The following KCNH8 variants were observed in gnomAD, a reference collection of about 807,000 sequenced individuals.
The protein encoded by KCNH8 is potassium voltage-gated channel subfamily H member 8.
KCNH8 carries 70 observed loss-of-function variants against 103.6 expected under a neutral mutation model. The observed-to-expected ratio is 0.68, with a 90% CI of 0.56 to 0.82. The LOEUF (loss-of-function observed/expected upper bound fraction) is 0.82, where lower values mean the gene tolerates loss of function less well. Ranked by LOEUF, KCNH8 falls within the 40% of genes least tolerant of loss-of-function variation. The pLI, the probability that KCNH8 is intolerant of heterozygous loss-of-function variation, is 0.00. For synonymous variants in KCNH8, 498 were observed against 489.4 expected (o/e 1.02, Z -0.23); for missense variants, 1,217 against 1,329.9 (o/e 0.92, Z 1.32).
intron 11 of KCNH8, among the ~76,000 whole-genome samples, chr3:19,461,737 T>A (rs2125193072): frequency 6.6e-6 from 1 of 152,360 alleles, no homozygotes; most frequent in Middle Eastern, 3.4e-3. Context: ...TACATAGGTA[T>A]ACATGTGCCA....
chr3:19,461,738 A>G (rs990569541), intron 11 of KCNH8, among the ~76,000 whole-genome samples: 3 of 152,172 alleles, frequency 2.0e-5, no homozygotes, highest in Admixed American at 1.3e-4. Flanking sequence ...ACATAGGTAT[A>G]CATGTGCCAT....
intron 3 of KCNH8, chr3:19,314,867 G>A (rs1032433913): frequency 6.5e-6 from 1 of 154,122 alleles, no homozygotes. Context: ...GACATTGACT[G>A]CACATAATCC....
At chr3:19,345,728 T>C (rs981008485) in intron 4 of KCNH8, among the ~76,000 whole-genome samples, 1 of 152,048 alleles carries the variant, frequency 6.6e-6, no homozygotes, top group Non-Finnish European at 1.5e-5. Flanking sequence ...TTTTTTTCAC[T>C]CAGGTGATTA....
rs1559476487 is a variant in KCNH8 at position 19,323,457 on chromosome 3, AT to A, written c.443-19129del. On this transcript the variant is annotated intron_variant, in intron 3 of 15. Coordinates refer to ENST00000328405, the MANE Select transcript of KCNH8 (RefSeq NM_144633.3). The stretch of plus-strand genomic sequence containing the variant: ...GAGCAAGACTGTGTCTCAAAAAAAA[AT>A]AATAATAATAAAATAAAATAATTGT... 2.6e-5 allele frequency among the ~76,000 whole-genome samples: 4 copies of A among 151,934 alleles called. No individual in the cohort carries two copies. In the South Asian group the frequency reaches 6.2e-4, roughly 24 times the overall value.
intron 1 of KCNH8, among the ~76,000 whole-genome samples, chr3:19,242,772 C>T (rs1368815680): frequency 6.6e-6 from 1 of 151,958 alleles, no homozygotes; most frequent in African/African-American, 2.4e-5. Context: ...TTCAGTAGAC[C>T]TGAGGTAAGG....
At chr3:19,350,975 TA>T (rs2065793580) in intron 5 of KCNH8, among the ~76,000 whole-genome samples, 1 of 152,012 alleles carries the variant, frequency 6.6e-6, no homozygotes, top group Non-Finnish European at 1.5e-5. Context: ...ACAAAGAAGC[TA>T]AAAACCTTGA....
chr3:19,498,101 T>C (rs555644180), intron 11 of KCNH8, among the ~76,000 whole-genome samples: 4 of 152,234 alleles, frequency 2.6e-5, no homozygotes, highest in African/African-American at 9.6e-5. Flanking sequence ...TAGATTTTTC[T>C]TTATCCCTCT....
At chr3:19,369,200 A>G (rs1447350307) in intron 5 of KCNH8, among the ~76,000 whole-genome samples, 1 of 152,038 alleles carries the variant, frequency 6.6e-6, no homozygotes, top group Non-Finnish European at 1.5e-5. Flanking sequence ...TAACAAGGAT[A>G]CAGAAGAGTG....
At chr3:19,482,091 C>T (rs755355393) in intron 11 of KCNH8, among the ~76,000 whole-genome samples, 8 of 152,064 alleles carry the variant, frequency 5.3e-5, no homozygotes, top group African/African-American at 1.4e-4. Context: ...GGGTCGTGAT[C>T]GATTGAGCAA....
In KCNH8 at chr3:19,163,967, T is replaced by G. The variant is rs145761132; in HGVS notation, c.76+15172T>G. Among the ~76,000 whole-genome samples the G allele has an allele frequency of 3.2e-3, 483 of 152,332 alleles. 5 individuals are homozygous for G. Among genetic ancestry groups the G allele is most frequent in the African/African-American group, 0.011 (437 of 41,584 alleles). On this transcript the variant is annotated intron_variant, in intron 1 of 15. Transcript: ENST00000328405. ...ACATGTTAATTGACTGTGTTATCAG[T>G]AAGACTTCCAGTCAACAGCAGGCTA... is the stretch of plus-strand genomic sequence containing the variant.
chr3:19,518,363 T>C (rs2068911435), intron 15 of KCNH8, among the ~76,000 whole-genome samples: 1 of 152,044 alleles, frequency 6.6e-6, no homozygotes, highest in African/African-American at 2.4e-5. Context: ...GCATGAAGTG[T>C]CTTAGATATA....
chr3:19,393,537 G>C (rs1427880995), intron 6 of KCNH8, among the ~76,000 whole-genome samples: 1 of 151,914 alleles, frequency 6.6e-6, no homozygotes. Context: ...TGGGACTTCC[G>C]TTCCAGTTTT....
At chr3:19,228,885 A>T (rs1056839878) in intron 1 of KCNH8, among the ~76,000 whole-genome samples, 1 of 152,248 alleles carries the variant, frequency 6.6e-6, no homozygotes, top group African/African-American at 2.4e-5. Flanking sequence ...GTGCACTTTT[A>T]TAGGAGGTAA....
At chr3:19,439,395 G>A (rs1346342670) in intron 8 of KCNH8, among the ~76,000 whole-genome samples, 1 of 152,126 alleles carries the variant, frequency 6.6e-6, no homozygotes, top group African/African-American at 2.4e-5. Flanking sequence ...TATACATAAA[G>A]TCTGCAAAAA....
At chr3:19,271,496 A>G (rs147483582) in intron 2 of KCNH8, among the ~76,000 whole-genome samples, 913 of 152,288 alleles carry the variant, frequency 6.0e-3, no homozygotes, top group Non-Finnish European at 0.011. Flanking sequence ...ACAAATATCC[A>G]CTTTACACCA....
chr3:19,409,109 G>C (rs961683503), intron 7 of KCNH8, among the ~76,000 whole-genome samples: 2 of 151,706 alleles, frequency 1.3e-5, no homozygotes, highest in Non-Finnish European at 2.9e-5. Context: ...AAACTTAAAG[G>C]CAGCTAGAGG....
intron 15 of KCNH8, among the ~76,000 whole-genome samples, chr3:19,529,773 T>C (rs189697871): frequency 1.3e-3 from 198 of 152,216 alleles, no homozygotes; most frequent in African/African-American, 4.6e-3. Flanking sequence ...GATCCCTTAC[T>C]TAACACAATT....
At chr3:19,309,927 C>T (rs2065187913) in intron 3 of KCNH8, among the ~76,000 whole-genome samples, 2 of 151,916 alleles carry the variant, frequency 1.3e-5, no homozygotes, top group Non-Finnish European at 2.9e-5. Flanking sequence ...TCACCTCTCC[C>T]ATCATCTCTG....
intron 1 of KCNH8, among the ~76,000 whole-genome samples, chr3:19,200,089 T>C (rs1020769224): frequency 4.6e-5 from 7 of 152,068 alleles, no homozygotes; most frequent in Non-Finnish European, 1.5e-5. Context: ...TTTACTTTTA[T>C]TAAGTGATTA....
Sources: allele counts gnomAD v4.1 joint callset (sites outside exome capture counted in the v4.1 genomes callset), GRCh38; gene constraint gnomAD v4.1.1; transcripts MANE v1.5; gene names NCBI Gene and HGNC (gene_info 2026-07-23, HGNC 2026-07-21).